The following NALF1 variants were observed in gnomAD, a reference collection of about 807,000 sequenced individuals.
NALF1 encodes the protein NALCN channel auxiliary factor 1.
In NALF1, 3 loss-of-function variants were observed where a neutral mutation model predicts 48.4. The observed-to-expected ratio is 0.06, with a 90% CI of 0.03 to 0.16. NALF1 has a LOEUF of 0.16. NALF1 is among the 10% of genes least tolerant of loss of function. NALF1 has a pLI of 1.00. For missense variants in NALF1, 526 were observed against 571.5 expected, an observed-to-expected ratio of 0.92 and a Z score of 0.81; for synonymous variants, 262 against 245.7, an observed-to-expected ratio of 1.07 and a Z score of -0.62.
chr13:107,731,017 A>G lies in NALF1; in HGVS notation c.915+134665T>C, dbSNP rs117504210. ...GTCGATCTCTGAGAGAGATTTGCCT[A>G]CAGAAGATGTTGAGTGAGCATGAAA... On this transcript the variant is annotated intron_variant, in intron 1 of 2. Transcript: ENST00000375915. 2.6e-3 allele frequency among the ~76,000 whole-genome samples: 392 copies of G among 152,320 alleles called. 1 individual carries two copies. The highest frequency in any genetic ancestry group is 4.5e-3 in the Non-Finnish European group (305 of 68,034).
At chr13:107,441,186 CTG>C (rs914627330) in intron 1 of NALF1, among the ~76,000 whole-genome samples, 1 of 152,172 alleles carries the variant, frequency 6.6e-6, no homozygotes, top group Non-Finnish European at 1.5e-5. Flanking sequence ...AGACAGAAAA[CTG>C]TGACAATATT....
At position 107,632,901 on chromosome 13, in the gene NALF1, A is replaced by G. The variant is rs9559111; in HGVS notation, c.915+232781T>C. On this transcript the variant is annotated intron_variant, in intron 1 of 2. Coordinates refer to ENST00000375915, the MANE Select transcript of NALF1 (RefSeq NM_001080396.3). Reference sequence around the variant, plus strand: ...AATGAAGGCAGAAATTTTTATAACAAGCCTCATGAAAAAAAAAAAAAAGGA... The same window carrying G: ...AATGAAGGCAGAAATTTTTATAACAGGCCTCATGAAAAAAAAAAAAAAGGA... Among the ~76,000 whole-genome samples the G allele has an allele frequency of 3.3e-5, 4 of 121,306 alleles. No homozygotes were observed. The East Asian group carries it at 1.4e-3, about 44-fold the overall frequency. 79.6% of individuals were successfully genotyped at this position (121,306 alleles called of 152,430 possible).
chr13:107,409,859 C>T (rs963087424), intron 1 of NALF1, among the ~76,000 whole-genome samples: 2 of 151,986 alleles, frequency 1.3e-5, no homozygotes, highest in Non-Finnish European at 2.9e-5. Flanking sequence ...TCTACCCTTG[C>T]CCTCATCTCT....
At chr13:107,273,048 A>T (rs1437697211) in intron 1 of NALF1, among the ~76,000 whole-genome samples, 1 of 152,232 alleles carries the variant, frequency 6.6e-6, no homozygotes, top group African/African-American at 2.4e-5. Context: ...GGTCACTCAC[A>T]TCTTCCCCTG....
intron 1 of NALF1, among the ~76,000 whole-genome samples, chr13:107,790,286 G>GA: frequency 6.6e-6 from 1 of 151,972 alleles, no homozygotes; most frequent in African/African-American, 2.4e-5. Flanking sequence ...AACATTTACA[G>GA]AAAAAAGTGG....
At chr13:107,814,288 T>C (rs898631813) in intron 1 of NALF1, among the ~76,000 whole-genome samples, 1 of 152,144 alleles carries the variant, frequency 6.6e-6, no homozygotes, top group African/African-American at 2.4e-5. Flanking sequence ...CTATCCATCA[T>C]CCTCAATCTG....
At chr13:107,518,178 T>C (rs966663273) in intron 1 of NALF1, among the ~76,000 whole-genome samples, 1 of 152,148 alleles carries the variant, frequency 6.6e-6, no homozygotes, top group East Asian at 1.9e-4. Flanking sequence ...TTAATTTTCA[T>C]TGTCTGATTT....
intron 2 of NALF1, among the ~76,000 whole-genome samples, chr13:107,197,658 A>G (rs1226729458): frequency 1.3e-5 from 2 of 152,126 alleles, no homozygotes; most frequent in Non-Finnish European, 2.9e-5. Flanking sequence ...CATGGCACTC[A>G]CCTGCTGGAG....
chr13:107,495,769 T>A (rs543933903), intron 1 of NALF1, among the ~76,000 whole-genome samples: 19 of 152,310 alleles, frequency 1.2e-4, no homozygotes, highest in African/African-American at 4.6e-4. Flanking sequence ...AAAATACTGA[T>A]CTGCCATAAG....
chr13:107,562,701 C>A (rs1445432741), intron 1 of NALF1, among the ~76,000 whole-genome samples: 1 of 152,192 alleles, frequency 6.6e-6, no homozygotes, highest in Non-Finnish European at 1.5e-5. Context: ...CATACGAACT[C>A]ATTCTTTAGA....
At chr13:107,779,394 T>C (rs1252310883) in intron 1 of NALF1, among the ~76,000 whole-genome samples, 1 of 152,116 alleles carries the variant, frequency 6.6e-6, no homozygotes, top group Non-Finnish European at 1.5e-5. Flanking sequence ...CTTTAAGGAG[T>C]ATCCAGTTCA....
At chr13:107,418,953 G>A (rs1271430164) in intron 1 of NALF1, among the ~76,000 whole-genome samples, 5 of 152,112 alleles carry the variant, frequency 3.3e-5, no homozygotes, top group African/African-American at 9.7e-5. Flanking sequence ...AGACGGAGAA[G>A]AAAAGTAGAT....
intron 1 of NALF1, among the ~76,000 whole-genome samples, chr13:107,291,550 A>G (rs1831803751): frequency 6.6e-6 from 1 of 151,784 alleles, no homozygotes; most frequent in Admixed American, 6.6e-5. Context: ...ACTATATCTC[A>G]TTATGTATAT....
At chr13:107,842,371 T>C (rs1263494120) in intron 1 of NALF1, among the ~76,000 whole-genome samples, 1 of 152,080 alleles carries the variant, frequency 6.6e-6, no homozygotes. Flanking sequence ...ATATTGCCTT[T>C]AAGAACTCCT....
At chr13:107,795,015 T>A (rs186235784) in intron 1 of NALF1, among the ~76,000 whole-genome samples, 5 of 152,282 alleles carry the variant, frequency 3.3e-5, no homozygotes, top group Admixed American at 1.3e-4. Context: ...AAGAGGCACA[T>A]TAATGTGTAT....
At chr13:107,603,523 A>G (rs1878988806) in intron 1 of NALF1, among the ~76,000 whole-genome samples, 1 of 152,226 alleles carries the variant, frequency 6.6e-6, no homozygotes, top group Admixed American at 6.5e-5. Flanking sequence ...AATATACCGA[A>G]GTATATCAAA....
intron 1 of NALF1, among the ~76,000 whole-genome samples, chr13:107,808,020 G>A (rs1030898969): frequency 1.3e-5 from 2 of 152,126 alleles, no homozygotes; most frequent in Admixed American, 1.3e-4. Context: ...AGGAGGTAAA[G>A]GGAGGCAAGA....
intron 1 of NALF1, among the ~76,000 whole-genome samples, chr13:107,713,067 C>T (rs1040959989): frequency 3.9e-5 from 6 of 152,274 alleles, no homozygotes; most frequent in Non-Finnish European, 7.4e-5. Flanking sequence ...CTCCAGAGAA[C>T]GCCTTCCTGA....
At chr13:107,776,039 CA>C (rs1877721702) in intron 1 of NALF1, among the ~76,000 whole-genome samples, 1 of 152,190 alleles carries the variant, frequency 6.6e-6, no homozygotes, top group Non-Finnish European at 1.5e-5. Context: ...TTGCTGGCTT[CA>C]GCAGCAAGAG....
Sources: gnomAD v4.1 joint callset for allele counts (sites outside exome capture counted in the v4.1 genomes callset) on GRCh38, gnomAD v4.1.1 for gene constraint, MANE v1.5 for transcripts, NCBI Gene and HGNC (gene_info 2026-07-23, HGNC 2026-07-21) for gene names.